The following MTHFD1L variants were observed in gnomAD, a reference collection of about 807,000 sequenced individuals.
MTHFD1L encodes monofunctional C1-tetrahydrofolate synthase, mitochondrial.
MTHFD1L carries 81 observed loss-of-function variants against 119.5 expected under a neutral mutation model. The observed-to-expected ratio is 0.68, with a 90% CI of 0.57 to 0.82. The LOEUF (loss-of-function observed/expected upper bound fraction) is 0.82, where lower values mean the gene tolerates loss of function less well. MTHFD1L is among the 40% of genes least tolerant of loss of function. MTHFD1L has a pLI of 0.00. For missense variants in MTHFD1L, 1,125 were observed against 1,253.4 expected (o/e 0.90, Z 1.55); for synonymous variants, 430 against 475.2 (o/e 0.90, Z 1.24).
chr6:150,998,724 C>T (rs962099754), intron 20 of MTHFD1L, among the ~76,000 whole-genome samples: 5 of 150,190 alleles, frequency 3.3e-5, no homozygotes, highest in African/African-American at 4.9e-5. Flanking sequence ...CACCTGTAAT[C>T]CCAGCATTTT....
chr6:150,907,280 A>G (rs1786078557), intron 8 of MTHFD1L, among the ~76,000 whole-genome samples: 1 of 152,176 alleles, frequency 6.6e-6, no homozygotes, highest in African/African-American at 2.4e-5. Flanking sequence ...TGTTAGTGAA[A>G]GTGCTTTATT....
chr6:151,091,164 G>A (rs1218227871), intron 26 of MTHFD1L, among the ~76,000 whole-genome samples: 1 of 148,534 alleles, frequency 6.7e-6, no homozygotes, highest in Non-Finnish European at 1.5e-5. Flanking sequence ...ACTGGGTGCA[G>A]CATCGTTCCA....
intron 7 of MTHFD1L, among the ~76,000 whole-genome samples, chr6:150,890,563 A>G (rs803423): frequency 6.6e-6 from 1 of 152,108 alleles, no homozygotes; most frequent in African/African-American, 2.4e-5. Flanking sequence ...CGCACCAAAT[A>G]TGTTACCGGT....
chr6:151,053,874 A>T lies in MTHFD1L; in HGVS notation c.2847+16757A>T, dbSNP rs561839561. On this transcript the variant is annotated intron_variant, in intron 26 of 27. Coordinates refer to ENST00000367321, the MANE Select transcript of MTHFD1L (RefSeq NM_015440.5). ...GACTCCATCTCAAAAAAAAAAAAAAAAATGCTTATCATTGCACAGATAGCT... is the reference window on the plus strand; with the variant it reads ...GACTCCATCTCAAAAAAAAAAAAAATAATGCTTATCATTGCACAGATAGCT... Among the ~76,000 whole-genome samples the T allele has an allele frequency of 2.7e-4, 41 of 152,170 alleles. No individual in the cohort carries two copies. In the East Asian group the frequency reaches 6.7e-3, roughly 25 times the overall value.
At chr6:151,057,223 TAA>T in intron 26 of MTHFD1L, 2 of 984,950 alleles carry the variant, frequency 2.0e-6, no homozygotes, top group African/African-American at 3.5e-5. Flanking sequence ...ATCTAATTTT[TAA>T]ATTTCATTCT....
intron 26 of MTHFD1L, among the ~76,000 whole-genome samples, chr6:151,082,101 A>G (rs1324762357): frequency 3.3e-5 from 5 of 152,222 alleles, no homozygotes; most frequent in South Asian, 2.1e-4. Flanking sequence ...ACAATAAAAT[A>G]TATTATTAAA....
At chr6:151,093,486 G>A (rs536410365) in intron 27 of MTHFD1L, among the ~76,000 whole-genome samples, 30 of 151,914 alleles carry the variant, frequency 2.0e-4, no homozygotes, top group African/African-American at 6.0e-4. Context: ...GTGAAACCCC[G>A]TCTCTACTAA....
intron 2 of MTHFD1L, among the ~76,000 whole-genome samples, chr6:150,876,594 C>T (rs949076615): frequency 6.6e-6 from 1 of 152,172 alleles, no homozygotes; most frequent in Non-Finnish European, 1.5e-5. Context: ...TAAAACCTGC[C>T]ATAAACTTAA....
chr6:151,039,043 A>G lies in MTHFD1L; in HGVS notation c.2847+1926A>G, dbSNP rs1318744342. ...CCTGGTGGGTTTAAGGATATGGGTG[A>G]AGGCAGTCGTTAAACAAGAGACACA... On this transcript the variant is annotated intron_variant, in intron 26 of 27. Coordinates refer to ENST00000367321, the MANE Select transcript of MTHFD1L (RefSeq NM_015440.5). This position sits in a 1 kb window ranked among gnomAD's most constrained non-coding sequence, Gnocchi z 4.4. 6.6e-6 allele frequency among the ~76,000 whole-genome samples: 1 copy of G among 152,194 alleles called. No homozygotes were observed. The highest frequency in any genetic ancestry group is 1.5e-5 in the Non-Finnish European group (1 of 68,034).
intron 7 of MTHFD1L, among the ~76,000 whole-genome samples, chr6:150,898,552 A>AT (rs2128817626): frequency 6.6e-6 from 1 of 152,352 alleles, no homozygotes; most frequent in South Asian, 2.1e-4. Context: ...TTGCATGAAT[A>AT]TGAAGACGCT....
At chr6:151,045,806 CCT>C (rs1372423517) in intron 26 of MTHFD1L, among the ~76,000 whole-genome samples, 1 of 152,234 alleles carries the variant, frequency 6.6e-6, no homozygotes, top group Admixed American at 6.5e-5. Flanking sequence ...TCCACTGCTT[CCT>C]CTCATCGTGA....
intron 20 of MTHFD1L, among the ~76,000 whole-genome samples, chr6:151,008,768 T>G (rs1297338644): frequency 1.3e-5 from 2 of 152,132 alleles, no homozygotes; most frequent in Non-Finnish European, 2.9e-5. Flanking sequence ...AACTTGAAAT[T>G]TGTCAGTTAA....
chr6:150,937,896 A>T (rs1381680300), intron 12 of MTHFD1L, among the ~76,000 whole-genome samples: 1 of 152,166 alleles, frequency 6.6e-6, no homozygotes, highest in Non-Finnish European at 1.5e-5. Flanking sequence ...CAGTCCTTTT[A>T]CTCTAACAAC....
At chr6:150,909,700 C>T (rs529941705) in intron 8 of MTHFD1L, among the ~76,000 whole-genome samples, 4 of 152,286 alleles carry the variant, frequency 2.6e-5, no homozygotes, top group South Asian at 2.1e-4. Context: ...GCTGGTCTTC[C>T]GTCTTAGGCT....
At position 150,922,243 on chromosome 6, in the gene MTHFD1L, G is replaced by T. The variant is rs1789082164; in HGVS notation, c.1023G>T (p.Gln341His). ...VSSGRRWLRE[Q>H]QHRRWRLHCL... ...GTGGAAGGAGATGGCTTCGTGAACA[G>T]CAGCACAGGCGGTGGAGACTTCACT... is the stretch of plus-strand genomic sequence containing the variant. The change falls in exon 10 of 28, where the codon CAG becomes CAT. Residue 341 changes from glutamine (Q) to histidine (H), a missense_variant. This residue lies in a region of MTHFD1L where 1,058 missense variants were observed against 1,151.2 expected (regional missense o/e 0.92). Transcript: ENST00000367321. The T allele has an allele frequency of 6.2e-7, 1 of 1,613,964 alleles. No homozygotes were observed. Among genetic ancestry groups the T allele is most frequent in the African/African-American group, 1.3e-5 (1 of 74,930 alleles).
chr6:151,056,665 C>T (rs188728870), intron 26 of MTHFD1L, among the ~76,000 whole-genome samples: 15 of 152,270 alleles, frequency 9.9e-5, no homozygotes, highest in Admixed American at 6.5e-4. Context: ...CTCACCAATA[C>T]GCAACAGCAG....
chr6:150,973,410 G>A (rs1776065369), intron 20 of MTHFD1L, among the ~76,000 whole-genome samples: 2 of 152,174 alleles, frequency 1.3e-5, no homozygotes, highest in South Asian at 4.1e-4. Context: ...TGCAAGAGTG[G>A]CTAGACATAC....
chr6:150,869,005 G>A (rs1282784115), intron 1 of MTHFD1L, among the ~76,000 whole-genome samples: 5 of 152,206 alleles, frequency 3.3e-5, no homozygotes, highest in Admixed American at 3.3e-4. Flanking sequence ...AGGCTACAGT[G>A]AGCGGAGATT....
intron 27 of MTHFD1L, among the ~76,000 whole-genome samples, chr6:151,095,380 G>A (rs1180817755): frequency 6.6e-6 from 1 of 152,088 alleles, no homozygotes; most frequent in Non-Finnish European, 1.5e-5. Flanking sequence ...TTACATTTCT[G>A]CCATTTGTCA....
Sources: allele counts gnomAD v4.1 joint callset (sites outside exome capture counted in the v4.1 genomes callset), GRCh38; gene constraint gnomAD v4.1.1; regional missense constraint gnomAD v4.1.1; non-coding constraint Gnocchi (gnomAD v3.1); transcripts MANE v1.5; gene names NCBI Gene and HGNC (gene_info 2026-07-23, HGNC 2026-07-21).